The following RASD2 variants were observed in gnomAD, a reference collection of about 807,000 sequenced individuals.
RASD2 encodes RASD family member 2.
In RASD2, 7 loss-of-function variants were observed where a neutral mutation model predicts 15.8. The ratio of observed to expected loss-of-function variants is 0.44; its 90% CI spans 0.25 to 0.83. RASD2 has a LOEUF of 0.83. Ranked by LOEUF, RASD2 falls within the 40% of genes least tolerant of loss-of-function variation. RASD2 has a pLI of 0.20. For missense variants in RASD2, 274 were observed against 382.8 expected (o/e 0.72, Z 2.37); for synonymous variants, 155 against 153.6 (o/e 1.01, Z -0.07).
intron 1 of RASD2, among the ~76,000 whole-genome samples, chr22:35,546,598 G>T (rs1934508236): frequency 6.6e-6 from 1 of 152,188 alleles, no homozygotes. Flanking sequence ...CGGATATTGA[G>T]TGAGTGAGTG....
the RASD2 span, among the ~76,000 whole-genome samples, chr22:35,533,857 C>G: frequency 8.5e-6 from 1 of 117,348 alleles, no homozygotes; most frequent in South Asian, 3.0e-4. Flanking sequence ...ATGATGATCA[C>G]AGTGATGATG....
chr22:35,546,503 A>G (rs920891601), intron 1 of RASD2, among the ~76,000 whole-genome samples: 7 of 152,180 alleles, frequency 4.6e-5, no homozygotes, highest in Non-Finnish European at 8.8e-5. Context: ...AGGTTAAGCT[A>G]CTAGCCCAAG....
At chr22:35,549,902 C>T (rs1934613943) in intron 2 of RASD2, among the ~76,000 whole-genome samples, 1 of 152,182 alleles carries the variant, frequency 6.6e-6, no homozygotes, top group African/African-American at 2.4e-5. Context: ...TTGCTGATTC[C>T]TCTGGGCCTC....
chr22:35,542,062 G>C (rs1486509458), intron 1 of RASD2, among the ~76,000 whole-genome samples: 1 of 152,182 alleles, frequency 6.6e-6, no homozygotes, highest in Non-Finnish European at 1.5e-5. Context: ...GGGCCCGGAA[G>C]GCAGCTCTGG....
chr22:35,542,726 G>A (rs934672719), intron 1 of RASD2, among the ~76,000 whole-genome samples: 23 of 152,332 alleles, frequency 1.5e-4, no homozygotes, highest in African/African-American at 4.6e-4. Context: ...GGGAGGACAC[G>A]TCCAGACTCT....
chr22:35,536,031 C>T (rs1176373713), upstream of RASD2, among the ~76,000 whole-genome samples: 1 of 152,180 alleles, frequency 6.6e-6, no homozygotes, highest in Non-Finnish European at 1.5e-5. Flanking sequence ...CATGTCATTG[C>T]CAGTCTGCCT....
intron 1 of RASD2, among the ~76,000 whole-genome samples, chr22:35,546,397 T>C (rs1934503734): frequency 6.6e-6 from 1 of 152,144 alleles, no homozygotes; most frequent in Non-Finnish European, 1.5e-5. Flanking sequence ...ATTCTCACCA[T>C]AGATACCATT....
upstream of RASD2, among the ~76,000 whole-genome samples, chr22:35,537,513 C>A (rs371436047): frequency 5.9e-5 from 9 of 152,252 alleles, no homozygotes; most frequent in African/African-American, 1.7e-4. Flanking sequence ...AAGCACTTCG[C>A]AGTTTATTTT....
chr22:35,549,112 T>C (rs1019828317), intron 2 of RASD2, among the ~76,000 whole-genome samples: 7 of 152,238 alleles, frequency 4.6e-5, no homozygotes, highest in African/African-American at 9.6e-5. Flanking sequence ...ACGCTACAGA[T>C]AAAGCTAATG....
At position 35,551,886 on chromosome 22, in the gene RASD2, A is replaced by G; in HGVS notation, c.655A>G (p.Met219Val). Residue 219 changes from methionine (M) to valine (V), a missense_variant, in exon 3 of 3, where the codon ATG (methionine) becomes GTG (valine). Transcript: ENST00000216127. The surrounding 1 kb of genome is among the most constrained non-coding windows in gnomAD (Gnocchi z 4.9). ...CGCCTTCCACCCCAGGCCCTTCTGCATGCGCCGCGTCAAGGAGATGGACGC... is the reference window on the plus strand; with the variant it reads ...CGCCTTCCACCCCAGGCCCTTCTGCGTGCGCCGCGTCAAGGAGATGGACGC... Reference protein sequence around the residue: ...GDAFHPRPFCMRRVKEMDAYG... With the variant: ...GDAFHPRPFCVRRVKEMDAYG... The G allele has an allele frequency of 8.1e-6, 13 of 1,613,246 alleles. No individual in the cohort carries two copies. Among genetic ancestry groups the G allele is most frequent in the Non-Finnish European group, 1.1e-5 (13 of 1,179,990 alleles).
At chr22:35,544,473 G>T (rs974672207) in intron 1 of RASD2, among the ~76,000 whole-genome samples, 2 of 152,284 alleles carry the variant, frequency 1.3e-5, no homozygotes, top group Admixed American at 1.3e-4. Flanking sequence ...GGTGGTTGAG[G>T]CTGAGGAGAG....
At chr22:35,543,578 G>A (rs1010809480) in intron 1 of RASD2, among the ~76,000 whole-genome samples, 5 of 152,230 alleles carry the variant, frequency 3.3e-5, no homozygotes, top group East Asian at 1.9e-4. Context: ...ACCTCTGGGG[G>A]AAGAGAGGGA....
chr22:35,548,447 T>C (rs1040689559), intron 2 of RASD2, among the ~76,000 whole-genome samples: 21 of 152,170 alleles, frequency 1.4e-4, no homozygotes, highest in African/African-American at 5.1e-4. Flanking sequence ...CTGCTACGGG[T>C]TACACGATCA....
At position 35,546,873 on chromosome 22, in the gene RASD2, A is replaced by C; in HGVS notation, c.64A>C (p.Met22Leu). ...LSVPAKNSYRMVVLGASRVGK... is the reference protein window; with the variant it reads ...LSVPAKNSYRLVVLGASRVGK... The stretch of plus-strand genomic sequence containing the variant: ...TGTGCCCGCCAAAAACTCATACCGC[A>C]TGGTGGTGCTGGGTGCCTCTCGGGT... Residue 22 changes from methionine (M) to leucine (L), a missense_variant, in exon 2 of 3, where the codon ATG (methionine) becomes CTG (leucine). By Grantham distance (15) the Met-to-Leu change is conservative. Transcript: ENST00000216127. The C allele has an allele frequency of 1.2e-6, 2 of 1,613,442 alleles. No individual in the cohort carries two copies. Among genetic ancestry groups the C allele is most frequent in the Non-Finnish European group, 8.5e-7 (1 of 1,179,782 alleles).
In RASD2 at chr22:35,551,303, T is replaced by C. The variant is rs1002012641; in HGVS notation, c.272-200T>C. Among the ~76,000 whole-genome samples the C allele has an allele frequency of 6.6e-6, 1 of 152,180 alleles. No homozygotes were observed. Among genetic ancestry groups the C allele is most frequent in the Non-Finnish European group, 1.5e-5 (1 of 68,028 alleles). ...GGGGCTTCAACCCCCTCAGCCTCAGTTTCCTGTCCTGGAAAATAATCGCAG... is the reference window on the plus strand; with the variant it reads ...GGGGCTTCAACCCCCTCAGCCTCAGCTTCCTGTCCTGGAAAATAATCGCAG... On this transcript the variant is annotated intron_variant, in intron 2 of 2. Transcript: ENST00000216127. This position sits in a 1 kb window ranked among gnomAD's most constrained non-coding sequence, Gnocchi z 4.9.
intron 2 of RASD2, among the ~76,000 whole-genome samples, chr22:35,547,718 G>T (rs1422062580): frequency 6.6e-6 from 1 of 152,140 alleles, no homozygotes; most frequent in Non-Finnish European, 1.5e-5. Context: ...GGGTTCAAGC[G>T]ATTCTCCTGC....
chr22:35,535,413 A>AT, the RASD2 span, among the ~76,000 whole-genome samples: 1 of 152,012 alleles, frequency 6.6e-6, no homozygotes, highest in Non-Finnish European at 1.5e-5. Flanking sequence ...CCAAAAAAAA[A>AT]AGAAAAAAAA....
At chr22:35,550,404 G>A (rs1319125018) in intron 2 of RASD2, among the ~76,000 whole-genome samples, 1 of 131,758 alleles carries the variant, frequency 7.6e-6, no homozygotes, top group Non-Finnish European at 1.5e-5. Context: ...TCACACCACT[G>A]CACTCCAGCC....
rs575138822 is a variant in RASD2, at chr22:35,550,266, A to AAAAT, written c.272-1217_272-1214dup. Among the ~76,000 whole-genome samples the AAAAT allele has an allele frequency of 8.9e-3, 1,354 of 151,360 alleles. 23 individuals are homozygous for AAAAT. Among genetic ancestry groups the AAAAT allele is most frequent in the African/African-American group, 0.031 (1,270 of 41,056 alleles). ...CAACAAGAGTGAAACTCTGTCTCAG[A>AAAAT]AAATAAATAAATAAATAAATAAAAA... On this transcript the variant is annotated intron_variant, in intron 2 of 2. Transcript: ENST00000216127.
Sources: gnomAD v4.1 joint callset for allele counts (sites outside exome capture counted in the v4.1 genomes callset) on GRCh38, gnomAD v4.1.1 for gene constraint, Gnocchi (gnomAD v3.1) non-coding constraint, MANE v1.5 for transcripts, NCBI Gene and HGNC (gene_info 2026-07-23, HGNC 2026-07-21) for gene names.